MCM3AP: variants seen among roughly 807,000 people sequenced by gnomAD.
MCM3AP encodes the protein minichromosome maintenance complex component 3 associated protein, also known as germinal-center associated nuclear protein.
A neutral mutation model predicts 184.1 loss-of-function variants in MCM3AP; 126 were observed. The ratio of observed to expected loss-of-function variants is 0.68; its 90% CI spans 0.59 to 0.79. The LOEUF is 0.79. Among genes scored for constraint, MCM3AP ranks in the 30% least tolerant of loss-of-function variants. The pLI is 0.00. For missense variants in MCM3AP, 2,496 were observed against 2,479.2 expected (o/e 1.01, Z -0.14); for synonymous variants, 1,002 against 979.3 (o/e 1.02, Z -0.43).
rs778151923 is a variant in MCM3AP at position 46,284,392 on chromosome 21, G to A, written c.895C>T (p.Arg299Cys). The change falls in exon 1 of 28, where the codon CGC becomes TGC. Residue 299 changes from arginine (R) to cysteine (C), a missense_variant. Physicochemically the swap from Arg to Cys is radical, Grantham distance 180 (BLOSUM62 -3). Around this residue, in one of 5 missense-constraint regions of MCM3AP, gnomAD observed 800 missense variants for 717.1 expected, o/e 1.12. Coordinates refer to ENST00000291688, the MANE Select transcript of MCM3AP (RefSeq NM_003906.5). ...TCGTGGCCATGTCTCCTTGGGGAGCGATCCTGGTCCTCCTTCCTTTTCAGT... is the reference window on the plus strand; with the variant it reads ...TCGTGGCCATGTCTCCTTGGGGAGCAATCCTGGTCCTCCTTCCTTTTCAGT... ...KGLKRKEDQD[R>C]SPRRHGHEPA... 2.5e-6 allele frequency: 4 copies of A among 1,614,180 alleles called. No homozygotes were observed. The highest frequency in any genetic ancestry group is 2.5e-6 in the Non-Finnish European group (3 of 1,180,030).
chr21:46,270,922 T>C (rs1183807802), intron 8 of MCM3AP, among the ~76,000 whole-genome samples: 3 of 152,226 alleles, frequency 2.0e-5, no homozygotes. Flanking sequence ...AAAGGTTTCC[T>C]TCAAAACAAT....
chr21:46,268,108 A>G (rs1382352713), intron 9 of MCM3AP: 1 of 151,660 alleles, frequency 6.6e-6, no homozygotes, highest in African/African-American at 2.4e-5. Flanking sequence ...GAGGCAGGAG[A>G]ATCACTTCAA....
intron 23 of MCM3AP, among the ~76,000 whole-genome samples, chr21:46,244,141 C>CCGT (rs2080723921): frequency 6.6e-6 from 1 of 152,258 alleles, no homozygotes; most frequent in Non-Finnish European, 1.5e-5. Flanking sequence ...CTACTACAGA[C>CCGT]CACACACCAC....
At position 46,254,528 on chromosome 21, in the gene MCM3AP, T is replaced by A. The variant is rs1569061929; in HGVS notation, c.4002-2A>T. On this transcript the variant is annotated splice_acceptor_variant, in intron 18 of 27. Transcript: ENST00000291688. LOFTEE classifies it high-confidence loss of function. Reference sequence around the variant, plus strand: ...TCCAGAGACGCCCATGCCACATCACTGGGAGGAACAGACCACCGTGGATTA... The same window carrying A: ...TCCAGAGACGCCCATGCCACATCACAGGGAGGAACAGACCACCGTGGATTA... 1 of 1,613,912 alleles carries A rather than the reference T, an allele frequency of 6.2e-7. No homozygotes were observed. The highest frequency in any genetic ancestry group is 8.5e-7 in the Non-Finnish European group (1 of 1,180,020).
At chr21:46,244,633 A>G (rs1460814560) in intron 23 of MCM3AP, 174 bp downstream of exon 23, 1 of 702,400 alleles carries the variant, frequency 1.4e-6, no homozygotes, top group East Asian at 2.7e-5. Flanking sequence ...GTTCTGGCTC[A>G]TGAACCCAAA....
chr21:46,260,689 CA>C (rs1412698975), intron 15 of MCM3AP, 103 bp downstream of exon 15: 2 of 775,718 alleles, frequency 2.6e-6, no homozygotes, highest in Admixed American at 4.3e-5. Context: ...CTTAGACAGG[CA>C]AGATCCATTT....
Position 46,275,334 on chromosome 21 carries a change from C to G in MCM3AP, c.1859-9G>C. The G allele has an allele frequency of 1.2e-6, 2 of 1,609,594 alleles. 1 individual carries two copies. Among genetic ancestry groups the G allele is most frequent in the Non-Finnish European group, 1.7e-6 (2 of 1,178,268 alleles). The stretch of plus-strand genomic sequence containing the variant: ...GGTTCTCTTCACCCGAGCTAAATGA[C>G]GTCAAGTAAAAGGTAAGAATGTACC... On this transcript the variant is annotated splice_polypyrimidine_tract_variant and intron_variant, in intron 5 of 27. Transcript: ENST00000291688.
intron 20 of MCM3AP, 43 bp from the exon 21 acceptor site, chr21:46,246,929 CGCATCAGCA>C (rs1569056362): frequency 1.4e-5 from 23 of 1,598,564 alleles, no homozygotes; most frequent in Non-Finnish European, 2.0e-5. Flanking sequence ...CACCATGGGA[CGCATCAGCA>C]GTGACTGATC....
chr21:46,246,562 C>T, intron 21 of MCM3AP, 66 bp downstream of exon 21: 1 of 1,591,906 alleles, frequency 6.3e-7, no homozygotes, highest in East Asian at 2.2e-5. Context: ...GGACCATCCT[C>T]AGACCCAGGG....
At chr21:46,261,516 C>T (rs2081041231) in intron 13 of MCM3AP, 105 bp from the exon 14 acceptor site, 2 of 987,306 alleles carry the variant, frequency 2.0e-6, no homozygotes, top group East Asian at 2.6e-5. Flanking sequence ...GGGCGGATCA[C>T]AAGGTCAGAA....
Position 46,244,861 on chromosome 21 carries a change from T to C in MCM3AP, c.4984A>G (p.Lys1662Glu). The C allele has an allele frequency of 6.2e-7, 1 of 1,614,178 alleles. No individual in the cohort carries two copies. The highest frequency in any genetic ancestry group is 8.5e-7 in the Non-Finnish European group (1 of 1,180,028). Residue 1662 changes from lysine to glutamate, a missense_variant, in exon 23 of 28, where the codon AAG becomes GAG. This residue lies in a region of MCM3AP where 1,323 missense variants were observed against 1,273.4 expected (regional missense o/e 1.04). Transcript: ENST00000291688. ...AGCTGGAACCCGAGCACAGCCTGCTTCAGCCAGGCCAGGTGCTCTGGGGCA... is the reference window on the plus strand; with the variant it reads ...AGCTGGAACCCGAGCACAGCCTGCTCCAGCCAGGCCAGGTGCTCTGGGGCA... ...WNAPEHLAWLKQAVLGFQLPQ... is the reference protein window; with the variant it reads ...WNAPEHLAWLEQAVLGFQLPQ...
chr21:46,251,881 C>CTTTTTTTTTTTTTTTTTTTTTTT (rs754670172), intron 19 of MCM3AP, 199 bp from the exon 20 acceptor site: 1 of 125,224 alleles, frequency 8.0e-6, no homozygotes, highest in African/African-American at 3.5e-5. Flanking sequence ...TGTACTCGTT[C>CTTTTTTTTTTTTTTTTTTTTTTT]TTTTTTTTTT....
At chr21:46,260,205 G>A (rs996234827) in intron 15 of MCM3AP, among the ~76,000 whole-genome samples, 1 of 152,326 alleles carries the variant, frequency 6.6e-6, no homozygotes, top group South Asian at 2.1e-4. Context: ...AAGTGGAACA[G>A]GGTGCCAAAT....
intron 4 of MCM3AP, among the ~76,000 whole-genome samples, chr21:46,279,469 C>T (rs1014502686): frequency 2.6e-5 from 4 of 152,354 alleles, no homozygotes; most frequent in East Asian, 1.9e-4. Flanking sequence ...CGCCACAGGG[C>T]GCCAGCCTGC....
chr21:46,284,457 G>A lies in MCM3AP; in HGVS notation c.830C>T (p.Ala277Val), dbSNP rs1188623636. ...KAGVRQGCEE[A>V]VSQVEPLPSL... ...GGGAAGTGGTTCCACCTGGGAAACA[G>A]CTTCTTCACACCCCTGCCTGACACC... Residue 277 changes from alanine (A) to valine (V), a missense_variant, in exon 1 of 28, where the codon GCT becomes GTT. Coordinates refer to ENST00000291688, the MANE Select transcript of MCM3AP (RefSeq NM_003906.5). 6.2e-7 allele frequency: 1 copy of A among 1,614,156 alleles called. No homozygotes were observed. The highest frequency in any genetic ancestry group is 1.1e-5 in the South Asian group (1 of 91,082).
chr21:46,276,931 T>C (rs2081264373), intron 5 of MCM3AP, among the ~76,000 whole-genome samples: 1 of 151,624 alleles, frequency 6.6e-6, no homozygotes, highest in Non-Finnish European at 1.5e-5. Context: ...TTATTTATTG[T>C]AGAGATGGGG....
At chr21:46,270,348 C>T (rs1269406798) in intron 9 of MCM3AP, 53 bp downstream of exon 9, 2 of 1,543,004 alleles carry the variant, frequency 1.3e-6, no homozygotes, top group South Asian at 2.5e-5. Flanking sequence ...ACCCAAACAG[C>T]ACAAGAACCA....
chr21:46,243,462 T>C lies in MCM3AP; in HGVS notation c.5296+3A>G, dbSNP rs775452650. ...TGATCCCATTGCATCAAGCTCTAAT[T>C]ACCTGATGTAACAGGAAGCCGGGGG... On this transcript the variant is annotated splice_donor_region_variant and intron_variant, in intron 24 of 27. Coordinates refer to ENST00000291688, the MANE Select transcript of MCM3AP (RefSeq NM_003906.5). 1.2e-6 allele frequency: 2 copies of C among 1,603,208 alleles called. No homozygotes were observed. The highest frequency in any genetic ancestry group is 3.4e-5 in the Admixed American group (2 of 59,230).
chr21:46,269,320 T>C (rs1267178487), intron 9 of MCM3AP, among the ~76,000 whole-genome samples: 1 of 152,042 alleles, frequency 6.6e-6, no homozygotes, highest in Non-Finnish European at 1.5e-5. Context: ...CCTCCCTATG[T>C]TGCCCAGGCT....
Sources: gnomAD v4.1 joint callset for allele counts (sites outside exome capture counted in the v4.1 genomes callset) on GRCh38, gnomAD v4.1.1 for gene constraint, gnomAD v4.1.1 regional missense constraint, MANE v1.5 for transcripts, NCBI Gene and HGNC (gene_info 2026-07-23, HGNC 2026-07-21) for gene names.